The following PTPRN2 variants were observed in gnomAD, a reference collection of about 807,000 sequenced individuals.
PTPRN2 encodes protein tyrosine phosphatase receptor type N2.
A neutral mutation model predicts 118.8 loss-of-function variants in PTPRN2; 74 were observed. The ratio of observed to expected loss-of-function variants is 0.62; its 90% CI spans 0.52 to 0.76. The LOEUF (loss-of-function observed/expected upper bound fraction) is 0.76, where lower values mean the gene tolerates loss of function less well. Ranked by LOEUF, PTPRN2 falls within the 30% of genes least tolerant of loss-of-function variation. PTPRN2 has a pLI of 0.00. For synonymous variants in PTPRN2, 641 were observed against 608.0 expected, an observed-to-expected ratio of 1.05 and a Z score of -0.80; for missense variants, 1,481 against 1,394.4, an observed-to-expected ratio of 1.06 and a Z score of -0.99.
At chr7:158,010,225 G>A (rs1333830637) in intron 11 of PTPRN2, among the ~76,000 whole-genome samples, 1 of 152,066 alleles carries the variant, frequency 6.6e-6, no homozygotes, top group African/African-American at 2.4e-5. Context: ...CGAGATCCTG[G>A]GGGGCCAGGA....
chr7:157,726,123 T>G (rs10277493), intron 12 of PTPRN2, among the ~76,000 whole-genome samples: 1 of 46,428 alleles, frequency 2.2e-5, no homozygotes, highest in South Asian at 7.1e-4. Context: ...GATATCCACA[T>G]GCAGAGGAAT....
At chr7:158,083,762 G>A (rs771598105) in intron 10 of PTPRN2, among the ~76,000 whole-genome samples, 14 of 152,188 alleles carry the variant, frequency 9.2e-5, no homozygotes, top group African/African-American at 1.4e-4. Flanking sequence ...GACCATCGCC[G>A]TCAGGCCCAG....
Position 157,813,638 on chromosome 7 carries a change from A to T in PTPRN2, c.1788+85035T>A, listed in dbSNP as rs1806196659. On this transcript the variant is annotated intron_variant, in intron 12 of 22. Transcript: ENST00000389418. This position sits in a 1 kb window ranked among gnomAD's most constrained non-coding sequence, Gnocchi z 4.7. ...TGCTGCCTCTGGGCGGGTCCGGGGG[A>T]GTCGCATTTCTTCCTCACTGCATCG... 6.6e-6 allele frequency among the ~76,000 whole-genome samples: 1 copy of T among 151,922 alleles called. No homozygotes were observed. Among genetic ancestry groups the T allele is most frequent in the Non-Finnish European group, 1.5e-5 (1 of 68,032 alleles).
chr7:158,583,474 C>T (rs765945299), intron 1 of PTPRN2, among the ~76,000 whole-genome samples: 1 of 151,942 alleles, frequency 6.6e-6, no homozygotes, highest in Non-Finnish European at 1.5e-5. Flanking sequence ...CCCACCCCCA[C>T]CTCCCCTCCC....
At chr7:158,326,382 C>T (rs1480258500) in intron 2 of PTPRN2, among the ~76,000 whole-genome samples, 5 of 152,340 alleles carry the variant, frequency 3.3e-5, no homozygotes, top group East Asian at 1.9e-4. Flanking sequence ...CAGACTCAGT[C>T]GGCCAGTGTG....
chr7:158,001,068 G>T (rs1274916032), intron 11 of PTPRN2, among the ~76,000 whole-genome samples: 2 of 17,778 alleles, frequency 1.1e-4, no homozygotes, highest in Non-Finnish European at 2.6e-4. Flanking sequence ...ACCGCAGGTG[G>T]GGAGCAGGGT....
chr7:157,702,901 T>C (rs978144266), intron 12 of PTPRN2, among the ~76,000 whole-genome samples: 92 of 152,140 alleles, frequency 6.0e-4, no homozygotes, highest in Non-Finnish European at 2.6e-4. Context: ...TAGGGGACCT[T>C]CATACCTGAG....
At chr7:157,829,673 T>C (rs1475544799) in intron 12 of PTPRN2, among the ~76,000 whole-genome samples, 1 of 152,240 alleles carries the variant, frequency 6.6e-6, no homozygotes, top group Non-Finnish European at 1.5e-5. Context: ...GGACAGAGCA[T>C]GACCGTGCAC....
intron 5 of PTPRN2, among the ~76,000 whole-genome samples, chr7:158,180,106 G>A (rs1824568932): frequency 6.6e-6 from 1 of 152,210 alleles, no homozygotes; most frequent in Admixed American, 6.5e-5. Flanking sequence ...TCTTTCCTGG[G>A]CAAAGCCAAG....
At chr7:158,115,363 G>T (rs781443193) in intron 9 of PTPRN2, among the ~76,000 whole-genome samples, 1 of 152,146 alleles carries the variant, frequency 6.6e-6, no homozygotes, top group Non-Finnish European at 1.5e-5. Context: ...CGATGTGTCA[G>T]CGGGTAAGGT....
rs1463062691 is a variant in PTPRN2 at position 157,784,682 on chromosome 7, C to T, written c.1789-101745G>A. ...TGAAACGGGCAGGGGCTGGGCTGAT[C>T]CCGTATGAAACGGGCAGGGGCTGAG... On this transcript the variant is annotated intron_variant, in intron 12 of 22. Transcript: ENST00000389418. This position sits in a 1 kb window ranked among gnomAD's most constrained non-coding sequence, Gnocchi z 4.6. Among the ~76,000 whole-genome samples, 2 of 144,052 alleles carry T rather than the reference C, an allele frequency of 1.4e-5. No homozygotes were observed. Among genetic ancestry groups the T allele is most frequent in the Non-Finnish European group, 3.1e-5 (2 of 64,628 alleles). 94.5% of individuals were successfully genotyped at this position (144,052 alleles called of 152,430 possible).
At chr7:157,567,085 C>T (rs1203817113) in intron 21 of PTPRN2, among the ~76,000 whole-genome samples, 1 of 152,104 alleles carries the variant, frequency 6.6e-6, no homozygotes, top group Non-Finnish European at 1.5e-5. Context: ...AGGGAGGGCC[C>T]ATGATAAGTG....
At chr7:158,085,913 A>T (rs1407868174) in intron 10 of PTPRN2, among the ~76,000 whole-genome samples, 3 of 139,732 alleles carry the variant, frequency 2.1e-5, no homozygotes, top group Admixed American at 7.1e-5. Flanking sequence ...CCATCCACAC[A>T]TGCCCATCCA....
chr7:158,179,009 T>G lies in PTPRN2; in HGVS notation c.550-11718A>C, dbSNP rs74355306. Reference sequence around the variant, plus strand: ...TTTTTGATATATTGATTTCTTTTCCTTTGGATACTCAGTAGTGAGATTGCT... The same window carrying G: ...TTTTTGATATATTGATTTCTTTTCCGTTGGATACTCAGTAGTGAGATTGCT... On this transcript the variant is annotated intron_variant, in intron 5 of 22. Transcript: ENST00000389418. Among the ~76,000 whole-genome samples, 1,080 of 152,356 alleles carry G rather than the reference T, an allele frequency of 7.1e-3. 17 individuals are homozygous for G. Among genetic ancestry groups the G allele is most frequent in the African/African-American group, 0.025 (1,021 of 41,576 alleles).
chr7:157,924,892 TGTA>T (rs1798882548), intron 11 of PTPRN2, among the ~76,000 whole-genome samples: 2 of 147,404 alleles, frequency 1.4e-5, no homozygotes, highest in African/African-American at 5.0e-5. Context: ...GTTATTGAAA[TGTA>T]GTCAGGATGC....
chr7:157,659,717 C>A (rs11767240), intron 13 of PTPRN2, among the ~76,000 whole-genome samples: 35,573 of 151,716 alleles, frequency 0.23, 4,822 homozygotes, highest in East Asian at 0.32. Context: ...ACAAAAAAAA[C>A]CCCACAAAGG....
At chr7:157,945,716 GATGCCACCTCCAGCTTGGACA>G (rs200896013) in intron 11 of PTPRN2, among the ~76,000 whole-genome samples, 57,521 of 149,260 alleles carry the variant, frequency 0.39, 12,218 homozygotes, top group East Asian at 0.63. Context: ...CAACTTGGAT[GATGCCACCTCCAGCTTGGACA>G]ATGCCACCTC....
At chr7:158,564,250 A>C (rs1204562845) in intron 1 of PTPRN2, among the ~76,000 whole-genome samples, 1 of 145,978 alleles carries the variant, frequency 6.9e-6, no homozygotes, top group Non-Finnish European at 1.5e-5. Flanking sequence ...GTTTCAAATG[A>C]GTATTATGAC....
chr7:157,767,612 C>T lies in PTPRN2; in HGVS notation c.1789-84675G>A, dbSNP rs138262165. On this transcript the variant is annotated intron_variant, in intron 12 of 22. Coordinates refer to ENST00000389418, the MANE Select transcript of PTPRN2 (RefSeq NM_002847.5). ...GCAAGTCAGCAACTGGCCAGGGCGACCGCTCTTTCACTGCCAGGCCAGTCT... is the reference window on the plus strand; with the variant it reads ...GCAAGTCAGCAACTGGCCAGGGCGATCGCTCTTTCACTGCCAGGCCAGTCT... Among the ~76,000 whole-genome samples, 101 of 152,346 alleles carry T rather than the reference C, an allele frequency of 6.6e-4. 1 individual carries two copies. The East Asian group carries it at 0.016, about 24-fold the overall frequency.
Sources: allele counts gnomAD v4.1 joint callset (sites outside exome capture counted in the v4.1 genomes callset), GRCh38; gene constraint gnomAD v4.1.1; non-coding constraint Gnocchi (gnomAD v3.1); transcripts MANE v1.5; gene names NCBI Gene and HGNC (gene_info 2026-07-23, HGNC 2026-07-21).